The following SCN2A variants were observed in gnomAD, a reference collection of about 807,000 sequenced individuals.
The protein encoded by SCN2A is sodium channel protein type 2 subunit alpha.
SCN2A carries 20 observed loss-of-function variants against 188.7 expected under a neutral mutation model. That is an observed-to-expected ratio of 0.11 (90% confidence interval 0.07 to 0.15). The LOEUF is 0.15. Among genes scored for constraint, SCN2A ranks in the 10% least tolerant of loss-of-function variants. SCN2A has a pLI of 1.00. For missense variants in SCN2A, 1,278 were observed against 2,445.0 expected (o/e 0.52, Z 10.07); for synonymous variants, 804 against 833.1 (o/e 0.97, Z 0.60).
intron 1 of SCN2A, among the ~76,000 whole-genome samples, chr2:165,280,726 A>G (rs1695548408): frequency 6.6e-6 from 1 of 152,040 alleles, no homozygotes; most frequent in African/African-American, 2.4e-5. Flanking sequence ...TTGGAATTAC[A>G]CCTTAGCTTG....
At position 165,370,391 on chromosome 2, in the gene SCN2A, C is replaced by T. The variant is rs1424816460; in HGVS notation, c.3849+92C>T. 2.4e-5 allele frequency: 28 copies of T among 1,187,510 alleles called. No individual in the cohort carries two copies. The South Asian group carries it at 3.4e-4, about 14-fold the overall frequency. The allele number at this position is 1,187,510 out of a possible 1,614,324, so 73.6% of individuals were successfully genotyped here. On this transcript the variant is annotated intron_variant, in intron 20 of 26. Transcript: ENST00000375437. ...GACACAGTGTAGGCACTCAGTAACACTGTATCAGCCCAAATATAAATTATG... is the reference window on the plus strand; with the variant it reads ...GACACAGTGTAGGCACTCAGTAACATTGTATCAGCCCAAATATAAATTATG...
intron 1 of SCN2A, among the ~76,000 whole-genome samples, chr2:165,291,047 T>C (rs1164510478): frequency 3.6e-5 from 5 of 136,998 alleles, no homozygotes; most frequent in African/African-American, 5.5e-5. Context: ...TTTTTTTTTT[T>C]TTTTTTTTTT....
At chr2:165,294,010 TAAAAA>T (rs67417831) in intron 1 of SCN2A, 550 of 150,826 alleles carry the variant, frequency 3.6e-3, no homozygotes, top group South Asian at 4.3e-3. Context: ...GAAGGAGAAT[TAAAAA>T]AAAAAAAAAA....
intron 16 of SCN2A, among the ~76,000 whole-genome samples, chr2:165,353,911 A>G (rs1700055493): frequency 6.6e-6 from 1 of 152,088 alleles, no homozygotes; most frequent in African/African-American, 2.4e-5. Context: ...ACAGTTGTCT[A>G]TATTTATCTT....
rs1559395351 is a variant in SCN2A, at chr2:165,370,143, C to T, written c.3693C>T (p.Tyr1231=). The change falls in exon 20 of 27, where the codon TAC becomes TAT. Residue 1231 remains tyrosine (Y), a synonymous_variant. Transcript: ENST00000375437. ...SSGALAFEDI[Y]IEQRKTIKTM... is the part of the protein sequence containing the mutation. ...ACTTACAGGCCTTTGAAGATATATA[C>T]ATTGAGCAGCGAAAAACCATTAAGA... The T allele has an allele frequency of 1.9e-6, 3 of 1,613,858 alleles. No individual in the cohort carries two copies. Among genetic ancestry groups the T allele is most frequent in the Non-Finnish European group, 2.5e-6 (3 of 1,179,900 alleles).
intron 1 of SCN2A, among the ~76,000 whole-genome samples, chr2:165,293,082 G>T (rs1696306981): frequency 1.3e-5 from 2 of 152,150 alleles, no homozygotes; most frequent in African/African-American, 2.4e-5. Context: ...AACTTGTGTG[G>T]CACAGGCCAT....
At chr2:165,376,243 C>T (rs954339348) in intron 22 of SCN2A, among the ~76,000 whole-genome samples, 6 of 151,574 alleles carry the variant, frequency 4.0e-5, no homozygotes, top group Non-Finnish European at 7.4e-5. Context: ...TATTACTTAG[C>T]TTGAGTTAGC....
At chr2:165,295,623 A>C (rs1436141510) in intron 1 of SCN2A, 150 bp from the exon 2 acceptor site, 5 of 706,798 alleles carry the variant, frequency 7.1e-6, no homozygotes, top group Non-Finnish European at 1.2e-5. Context: ...TGCACATATG[A>C]GATTCCCTGA....
rs747402663 is a variant in SCN2A, at chr2:165,323,320, C to G, written c.1836C>G (p.Phe612Leu). ...ATGACAGCCGAAGAGACTCTCTGTT[C>G]GTGCCGCACAGACATGGAGAACGGC... ...EDNDSRRDSL[F>L]VPHRHGERRH... The change falls in exon 12 of 27, where the codon TTC becomes TTG. Residue 612 changes from phenylalanine to leucine, a missense_variant. By Grantham distance (22) the Phe-to-Leu change is conservative (BLOSUM62 0). Around this residue, in one of 17 missense-constraint regions of SCN2A, gnomAD observed 315 missense variants for 386.6 expected, o/e 0.81. Transcript: ENST00000375437. 2 of 1,614,054 alleles carry G rather than the reference C, an allele frequency of 1.2e-6. No individual in the cohort carries two copies.
At chr2:165,282,320 A>G (rs892954699) in intron 1 of SCN2A, among the ~76,000 whole-genome samples, 3 of 151,996 alleles carry the variant, frequency 2.0e-5, no homozygotes, top group Non-Finnish European at 4.4e-5. Flanking sequence ...TCTGACCCCA[A>G]TTGAGGGCAG....
intron 1 of SCN2A, among the ~76,000 whole-genome samples, chr2:165,260,874 G>A (rs1365908448): frequency 6.7e-6 from 1 of 150,248 alleles, no homozygotes; most frequent in African/African-American, 2.5e-5. Context: ...GGAGTCTGAG[G>A]CAGGAGAATC....
At chr2:165,299,796 G>T (rs1227920708) in intron 3 of SCN2A, among the ~76,000 whole-genome samples, 1 of 152,162 alleles carries the variant, frequency 6.6e-6, no homozygotes, top group East Asian at 1.9e-4. Context: ...GGTCATGGTT[G>T]TTTGGCCACA....
At chr2:165,321,795 C>T (rs1376074122) in intron 11 of SCN2A, among the ~76,000 whole-genome samples, 2 of 152,090 alleles carry the variant, frequency 1.3e-5, no homozygotes, top group African/African-American at 2.4e-5. Context: ...AGATACAACT[C>T]AAGATGAGAT....
At chr2:165,241,106 A>G (rs1456634250) in intron 1 of SCN2A, 1 of 150,952 alleles carries the variant, frequency 6.6e-6, no homozygotes, top group African/African-American at 2.4e-5. Context: ...TCAGGATGGC[A>G]TAGACCAGGT....
At chr2:165,279,206 G>C (rs1056019680) in intron 1 of SCN2A, among the ~76,000 whole-genome samples, 1 of 152,292 alleles carries the variant, frequency 6.6e-6, no homozygotes, top group South Asian at 2.1e-4. Flanking sequence ...TGTCCCAAGA[G>C]TTCTGAAGGG....
rs777944503 is a variant in SCN2A, at chr2:165,344,830, C to A, written c.2838C>A (p.Thr946=). The A allele has an allele frequency of 6.2e-7, 1 of 1,614,022 alleles. No individual in the cohort carries two copies. Among genetic ancestry groups the A allele is most frequent in the Admixed American group, 1.7e-5 (1 of 59,984 alleles). ...FRVLCGEWIE[T]MWDCMEVAGQ... ...TGCTGTGTGGAGAGTGGATAGAGAC[C>A]ATGTGGGACTGTATGGAGGTCGCTG... The change falls in exon 16 of 27, where the codon ACC becomes ACA. Residue 946 remains threonine (T), a synonymous_variant. Transcript: ENST00000375437.
At chr2:165,298,823 C>T (rs1004296243) in intron 3 of SCN2A, among the ~76,000 whole-genome samples, 1 of 151,790 alleles carries the variant, frequency 6.6e-6, no homozygotes, top group Non-Finnish European at 1.5e-5. Context: ...TATAAAATTA[C>T]GTGGAAAATT....
chr2:165,326,842 C>T lies in SCN2A; in HGVS notation c.2017-10C>T. 1.2e-6 allele frequency: 2 copies of T among 1,613,752 alleles called. No individual in the cohort carries two copies. ...AATAGTGGTTATTTCATCTGAAATT[C>T]TACTTCTAGGGCACAACTACTGAAA... On this transcript the variant is annotated splice_polypyrimidine_tract_variant and intron_variant, in intron 12 of 26. Coordinates refer to ENST00000375437, the MANE Select transcript of SCN2A (RefSeq NM_001040142.2).
At position 165,354,184 on chromosome 2, in the gene SCN2A, T is replaced by C. The variant is rs1700068422; in HGVS notation, c.2920-8T>C. 2 of 1,613,396 alleles carry C rather than the reference T, an allele frequency of 1.2e-6. No individual in the cohort carries two copies. ...TTTTGATCACCTGTTTTTCCTGCTG[T>C]GTTTCAGGTTCTGAACCTCTTCTTG... is the stretch of plus-strand genomic sequence containing the variant. On this transcript the variant is annotated splice_region_variant and splice_polypyrimidine_tract_variant and intron_variant, in intron 16 of 26. Transcript: ENST00000375437.
Sources: allele counts gnomAD v4.1 joint callset (sites outside exome capture counted in the v4.1 genomes callset), GRCh38; gene constraint gnomAD v4.1.1; regional missense constraint gnomAD v4.1.1; transcripts MANE v1.5; gene names NCBI Gene and HGNC (gene_info 2026-07-23, HGNC 2026-07-21).